The following WWC2 variants were observed in gnomAD, a reference collection of about 807,000 sequenced individuals.
WWC2 encodes protein WWC2.
A neutral mutation model predicts 138.5 loss-of-function variants in WWC2; 101 were observed. The observed-to-expected ratio is 0.73, with a 90% CI of 0.62 to 0.86. The LOEUF (loss-of-function observed/expected upper bound fraction) is 0.86, where lower values mean the gene tolerates loss of function less well. WWC2 is among the 40% of genes least tolerant of loss of function. The pLI is 0.00. For synonymous variants in WWC2, 558 were observed against 538.4 expected, an observed-to-expected ratio of 1.04 and a Z score of -0.50; for missense variants, 1,420 against 1,419.4, an observed-to-expected ratio of 1.00 and a Z score of -0.01.
At chr4:183,270,822 C>T (rs1044445105) in intron 15 of WWC2, among the ~76,000 whole-genome samples, 5 of 152,056 alleles carry the variant, frequency 3.3e-5, no homozygotes, top group African/African-American at 1.2e-4. Context: ...ATTAGGTCTT[C>T]GCAAAATGGT....
chr4:183,132,082 A>G (rs1732944023), intron 1 of WWC2, among the ~76,000 whole-genome samples: 1 of 152,220 alleles, frequency 6.6e-6, no homozygotes, highest in Non-Finnish European at 1.5e-5. Flanking sequence ...GTTGTCTTCA[A>G]TATTATAGTT....
At position 183,245,425 on chromosome 4, in the gene WWC2, A is replaced by G; in HGVS notation, c.612A>G (p.Lys204=). 1 of 1,556,028 alleles carries G rather than the reference A, an allele frequency of 6.4e-7. No homozygotes were observed. The highest frequency in any genetic ancestry group is 1.2e-5 in the South Asian group (1 of 81,524). Residue 204 remains lysine (K), a synonymous_variant, in exon 6 of 23, where the codon AAA becomes AAG. Transcript: ENST00000403733. ...TTTTCTCTTTTCACAGAATTGATAA[A>G]AAAATGTCTGGAGGCCAGAGCGGGT... ...QGFETLQQID[K]KMSGGQSGYE... is the part of the protein sequence containing the mutation.
intron 10 of WWC2, among the ~76,000 whole-genome samples, 167 bp downstream of exon 10, chr4:183,259,895 A>G (rs1451541321): frequency 1.3e-5 from 2 of 152,194 alleles, no homozygotes; most frequent in Non-Finnish European, 2.9e-5. Flanking sequence ...TTTTGCATGA[A>G]CCCAGTGTCA....
chr4:183,263,926 G>A (rs1737414674), intron 11 of WWC2, among the ~76,000 whole-genome samples: 1 of 152,140 alleles, frequency 6.6e-6, no homozygotes, highest in Non-Finnish European at 1.5e-5. Context: ...AAACTTTGCT[G>A]TCCAGTGCCA....
intron 16 of WWC2, among the ~76,000 whole-genome samples, chr4:183,276,032 T>C (rs1737844720): frequency 6.6e-6 from 1 of 152,154 alleles, no homozygotes; most frequent in South Asian, 2.1e-4. Context: ...CATTGCATCT[T>C]TCTGTTCAAC....
intron 11 of WWC2, among the ~76,000 whole-genome samples, chr4:183,261,885 C>T (rs1464143654): frequency 6.6e-6 from 1 of 152,052 alleles, no homozygotes. Context: ...TAAAAGTTGG[C>T]CTAAAACAGA....
At chr4:183,221,446 A>G (rs1361656561) in intron 4 of WWC2, among the ~76,000 whole-genome samples, 1 of 152,210 alleles carries the variant, frequency 6.6e-6, no homozygotes, top group Non-Finnish European at 1.5e-5. Flanking sequence ...AATAGAACAC[A>G]CCATTTAAAA....
intron 15 of WWC2, 124 bp downstream of exon 15, chr4:183,269,287 A>G: frequency 3.3e-6 from 3 of 919,784 alleles, no homozygotes; most frequent in Non-Finnish European, 5.0e-6. Context: ...ATCTTGGGAT[A>G]CATCTAGTGT....
chr4:183,135,636 ATTCACT>A (rs1733087155), intron 1 of WWC2, among the ~76,000 whole-genome samples: 1 of 152,018 alleles, frequency 6.6e-6, no homozygotes, highest in East Asian at 1.9e-4. Context: ...TGTTTGTTTA[ATTCACT>A]TCCGTACCAC....
chr4:183,245,963 A>G (rs867175261), intron 6 of WWC2, among the ~76,000 whole-genome samples: 1 of 152,196 alleles, frequency 6.6e-6, no homozygotes, highest in Non-Finnish European at 1.5e-5. Context: ...GGATGAGGCT[A>G]TGTGAGGAGC....
At chr4:183,212,690 G>A (rs1183459398) in intron 4 of WWC2, among the ~76,000 whole-genome samples, 1 of 152,064 alleles carries the variant, frequency 6.6e-6, no homozygotes, top group Non-Finnish European at 1.5e-5. Context: ...GCAAACTGAG[G>A]GAGAGATTTA....
At chr4:183,254,768 A>G (rs1560869004) in intron 9 of WWC2, among the ~76,000 whole-genome samples, 1 of 152,186 alleles carries the variant, frequency 6.6e-6, no homozygotes, top group Non-Finnish European at 1.5e-5. Flanking sequence ...CAGCCAGTAA[A>G]CAGCAGTGCC....
At chr4:183,283,311 C>G (rs1738142251) in intron 18 of WWC2, among the ~76,000 whole-genome samples, 2 of 152,204 alleles carry the variant, frequency 1.3e-5, no homozygotes, top group Non-Finnish European at 2.9e-5. Context: ...AGGCGATGCC[C>G]TGATTAGAAA....
chr4:183,183,042 C>T (rs534277695), intron 1 of WWC2, among the ~76,000 whole-genome samples: 1 of 152,184 alleles, frequency 6.6e-6, no homozygotes, highest in Non-Finnish European at 1.5e-5. Context: ...GGCAGGGTCC[C>T]TGCCTAGAGA....
chr4:183,173,935 A>G (rs1408390490), intron 1 of WWC2, among the ~76,000 whole-genome samples: 1 of 152,184 alleles, frequency 6.6e-6, no homozygotes, highest in East Asian at 1.9e-4. Flanking sequence ...TGGGGTAGTC[A>G]TATGGCAGTG....
intron 5 of WWC2, among the ~76,000 whole-genome samples, chr4:183,243,451 G>A (rs942630437): frequency 2.0e-5 from 3 of 152,174 alleles, no homozygotes; most frequent in Non-Finnish European, 4.4e-5. Context: ...CCTCAGCCAA[G>A]TTGGTGGATA....
Position 183,239,425 on chromosome 4 carries a change from C to T in WWC2, c.523-758C>T, listed in dbSNP as rs191291648. On this transcript the variant is annotated intron_variant, in intron 4 of 22. Transcript: ENST00000403733. Reference sequence around the variant, plus strand: ...TTTATTAGTTTGTGACTAAACCAGGCGTGTGCTGCTTTTCTGATCTGTCCA... The same window carrying T: ...TTTATTAGTTTGTGACTAAACCAGGTGTGTGCTGCTTTTCTGATCTGTCCA... Among the ~76,000 whole-genome samples the T allele has an allele frequency of 7.4e-3, 1,132 of 152,204 alleles. 12 individuals are homozygous for T. Among genetic ancestry groups the T allele is most frequent in the African/African-American group, 0.026 (1,086 of 41,520 alleles).
At chr4:183,205,111 G>A (rs1735411844) in intron 2 of WWC2, among the ~76,000 whole-genome samples, 1 of 152,160 alleles carries the variant, frequency 6.6e-6, no homozygotes, top group South Asian at 2.1e-4. Context: ...CAAGTTGTAG[G>A]ATTGCTAGGT....
At chr4:183,235,175 A>G (rs1054865752) in intron 4 of WWC2, among the ~76,000 whole-genome samples, 4 of 152,230 alleles carry the variant, frequency 2.6e-5, no homozygotes, top group African/African-American at 9.6e-5. Context: ...GTATAAAACC[A>G]GTAGCGTATA....
Sources: allele counts gnomAD v4.1 joint callset (sites outside exome capture counted in the v4.1 genomes callset), GRCh38; gene constraint gnomAD v4.1.1; transcripts MANE v1.5; gene names NCBI Gene and HGNC (gene_info 2026-07-23, HGNC 2026-07-21).